The following FAM13A variants were observed in gnomAD, a reference collection of about 807,000 sequenced individuals.
FAM13A encodes the protein protein FAM13A.
Under a neutral mutation model 129.6 loss-of-function variants are expected in FAM13A, and 76 were observed. The ratio of observed to expected loss-of-function variants is 0.59; its 90% CI spans 0.49 to 0.71. The LOEUF is 0.71. Ranked by LOEUF, FAM13A falls within the 30% of genes least tolerant of loss-of-function variation. FAM13A has a pLI of 0.00. For synonymous variants in FAM13A, 443 were observed against 449.9 expected, an observed-to-expected ratio of 0.98 and a Z score of 0.20; for missense variants, 1,108 against 1,249.3, an observed-to-expected ratio of 0.89 and a Z score of 1.70.
rs371143688 is a variant in FAM13A, at chr4:88,919,333, T to C, written c.760-12871A>G. ...TTGATTCACCTGGTAAATTAGGTAG[T>C]TGGAAGTCTGTGAAGCAAACTTTTA... On this transcript the variant is annotated intron_variant, in intron 5 of 23. Coordinates refer to ENST00000264344, the MANE Select transcript of FAM13A (RefSeq NM_014883.4). 1.8e-4 allele frequency among the ~76,000 whole-genome samples: 28 copies of C among 152,356 alleles called. 2 individuals carry two copies. The highest frequency in any genetic ancestry group is 6.7e-4 in the African/African-American group (28 of 41,582).
rs558277381 is a variant in FAM13A, at chr4:89,041,499, T to C, written c.28-11850A>G. On this transcript the variant is annotated intron_variant, in intron 1 of 23. Coordinates refer to ENST00000264344, the MANE Select transcript of FAM13A (RefSeq NM_014883.4). ...ATAAATAACTCCCACAAGCTTAGCGTTCCAATAATGGAACACTAGGCATAA... is the reference window on the plus strand; with the variant it reads ...ATAAATAACTCCCACAAGCTTAGCGCTCCAATAATGGAACACTAGGCATAA... Among the ~76,000 whole-genome samples, 12 of 152,292 alleles carry C rather than the reference T, an allele frequency of 7.9e-5. No individual in the cohort carries two copies. The East Asian group carries it at 2.3e-3, about 29-fold the overall frequency.
intron 5 of FAM13A, among the ~76,000 whole-genome samples, chr4:88,913,026 GAA>G (rs1749348029): frequency 2.4e-5 from 2 of 82,858 alleles, no homozygotes; most frequent in African/African-American, 4.4e-5. Context: ...GGAGGAGGAA[GAA>G]GAAGAAGAAG....
At chr4:88,954,179 T>G (rs1431719334) in intron 4 of FAM13A, among the ~76,000 whole-genome samples, 1 of 152,218 alleles carries the variant, frequency 6.6e-6, no homozygotes, top group Non-Finnish European at 1.5e-5. Context: ...AATATTAATA[T>G]GAGGTGCTAT....
intron 4 of FAM13A, among the ~76,000 whole-genome samples, chr4:88,961,554 A>G (rs1236111216): frequency 1.3e-5 from 2 of 151,696 alleles, no homozygotes; most frequent in Non-Finnish European, 2.9e-5. Context: ...TTTTTAGTAG[A>G]GACGGGTTTT....
chr4:88,744,547 A>T (rs910178173), intron 19 of FAM13A, among the ~76,000 whole-genome samples: 4 of 152,186 alleles, frequency 2.6e-5, no homozygotes, highest in Non-Finnish European at 5.9e-5. Context: ...TTAAATCAGT[A>T]TCTGTAGACT....
chr4:88,886,974 A>G (rs1744530496), intron 6 of FAM13A, among the ~76,000 whole-genome samples: 1 of 152,206 alleles, frequency 6.6e-6, no homozygotes, highest in Non-Finnish European at 1.5e-5. Context: ...CATAAAAAGG[A>G]ACAAAATAAT....
At position 89,001,484 on chromosome 4, in the gene FAM13A, T is replaced by C. The variant is rs531614172; in HGVS notation, c.428-10334A>G. Among the ~76,000 whole-genome samples the C allele has an allele frequency of 2.0e-5, 3 of 152,366 alleles. No individual in the cohort carries two copies. In the East Asian group the frequency reaches 5.8e-4, roughly 29 times the overall value. Reference sequence around the variant, plus strand: ...AATGGAAAGGTTAAATTTTGTAGTTTAATATAATGATTCTGTTTCTCGCAG... The same window carrying C: ...AATGGAAAGGTTAAATTTTGTAGTTCAATATAATGATTCTGTTTCTCGCAG... On this transcript the variant is annotated intron_variant, in intron 3 of 23. Transcript: ENST00000264344.
chr4:88,833,653 A>T (rs1734296147), intron 7 of FAM13A, among the ~76,000 whole-genome samples: 1 of 152,152 alleles, frequency 6.6e-6, no homozygotes, highest in Non-Finnish European at 1.5e-5. Flanking sequence ...TAGGAGGCTG[A>T]GGCAGGTGGA....
intron 6 of FAM13A, among the ~76,000 whole-genome samples, chr4:88,891,955 G>C (rs1745388797): frequency 6.6e-6 from 1 of 152,048 alleles, no homozygotes; most frequent in Non-Finnish European, 1.5e-5. Context: ...GGTGGGAGGA[G>C]TGCTTAAAGC....
intron 4 of FAM13A, among the ~76,000 whole-genome samples, chr4:88,984,214 C>G (rs1336470537): frequency 6.6e-6 from 1 of 152,114 alleles, no homozygotes; most frequent in Non-Finnish European, 1.5e-5. Flanking sequence ...ATGAATAAAT[C>G]TTCATGATCT....
intron 3 of FAM13A, among the ~76,000 whole-genome samples, chr4:88,993,420 C>A (rs1033085142): frequency 6.6e-6 from 1 of 152,166 alleles, no homozygotes; most frequent in Admixed American, 6.5e-5. Flanking sequence ...AGGTAACAAG[C>A]AACAGCATTA....
chr4:88,842,744 G>A lies in FAM13A; in HGVS notation c.1007+8276C>T, dbSNP rs375425045. 2.7e-4 allele frequency among the ~76,000 whole-genome samples: 41 copies of A among 152,302 alleles called. No homozygotes were observed. In the East Asian group the frequency reaches 7.7e-3, roughly 29 times the overall value. ...GCCACTAGAAATTATCTGAAGATAT[G>A]ACAATACATTTCTTTACCATTACTT... On this transcript the variant is annotated intron_variant, in intron 7 of 23. Transcript: ENST00000264344.
At chr4:88,937,852 T>G (rs185987246) in intron 5 of FAM13A, 21 of 553,634 alleles carry the variant, frequency 3.8e-5, no homozygotes, top group African/African-American at 3.6e-4. Flanking sequence ...CAAGTGTTTT[T>G]GAGATGACTT....
At chr4:88,867,286 C>T (rs1740612585) in intron 6 of FAM13A, among the ~76,000 whole-genome samples, 1 of 152,192 alleles carries the variant, frequency 6.6e-6, no homozygotes, top group Non-Finnish European at 1.5e-5. Flanking sequence ...TCCACTTATC[C>T]TCCGGAAGTC....
At chr4:88,865,019 A>AT (rs1445350269) in intron 6 of FAM13A, among the ~76,000 whole-genome samples, 1 of 152,230 alleles carries the variant, frequency 6.6e-6, no homozygotes, top group Non-Finnish European at 1.5e-5. Flanking sequence ...CTCCAAGAGG[A>AT]AAAAGAAAGT....
At chr4:88,860,075 C>T (rs1481838341) in intron 6 of FAM13A, among the ~76,000 whole-genome samples, 1 of 152,140 alleles carries the variant, frequency 6.6e-6, no homozygotes. Context: ...AAAACTATAG[C>T]TAGTTTTTCC....
chr4:88,744,171 A>G (rs532108266), intron 19 of FAM13A, among the ~76,000 whole-genome samples: 260 of 152,266 alleles, frequency 1.7e-3, no homozygotes, highest in Admixed American at 4.0e-3. Context: ...CATAAGATTA[A>G]AATACTCCAT....
intron 3 of FAM13A, among the ~76,000 whole-genome samples, chr4:89,016,362 AT>A (rs1313695817): frequency 6.6e-6 from 1 of 152,228 alleles, no homozygotes; most frequent in African/African-American, 2.4e-5. Context: ...TTAAAAAGTT[AT>A]AAAGTAAAAA....
intron 8 of FAM13A, among the ~76,000 whole-genome samples, chr4:88,800,637 A>T (rs1460575415): frequency 6.7e-6 from 1 of 149,686 alleles, no homozygotes; most frequent in Non-Finnish European, 1.5e-5. Flanking sequence ...GTGAGCCGAG[A>T]TTGTGCCACT....
Sources: gnomAD v4.1 joint callset for allele counts (sites outside exome capture counted in the v4.1 genomes callset) on GRCh38, gnomAD v4.1.1 for gene constraint, MANE v1.5 for transcripts, NCBI Gene and HGNC (gene_info 2026-07-23, HGNC 2026-07-21) for gene names.